PTPRD: variants seen among roughly 807,000 people sequenced by gnomAD.
The protein encoded by PTPRD is receptor-type tyrosine-protein phosphatase delta.
PTPRD carries 34 observed loss-of-function variants against 214.5 expected under a neutral mutation model. The ratio of observed to expected loss-of-function variants is 0.16; its 90% confidence interval spans 0.12 to 0.21. PTPRD has a LOEUF of 0.21. Among genes scored for constraint, PTPRD ranks in the 10% least tolerant of loss-of-function variants. PTPRD has a pLI of 1.00. For missense variants in PTPRD, 2,545 were observed against 2,398.7 expected (o/e 1.06, Z -1.27); for synonymous variants, 1,128 against 845.7 (o/e 1.33, Z -5.79).
intron 4 of PTPRD, among the ~76,000 whole-genome samples, chr9:9,940,772 AG>A (rs1423743881): frequency 2.0e-5 from 3 of 152,134 alleles, no homozygotes; most frequent in African/African-American, 7.2e-5. Context: ...CACTTTCGTA[AG>A]GGTTGTTCCC....
At chr9:8,650,100 T>C (rs2096776037) in intron 12 of PTPRD, among the ~76,000 whole-genome samples, 1 of 152,120 alleles carries the variant, frequency 6.6e-6, no homozygotes, top group African/African-American at 2.4e-5. Flanking sequence ...AAATGTTTTG[T>C]AGAGATGGGG....
chr9:9,715,096 G>A (rs998564116), intron 7 of PTPRD, among the ~76,000 whole-genome samples: 4 of 152,090 alleles, frequency 2.6e-5, no homozygotes, highest in South Asian at 2.1e-4. Context: ...CTGGATCCTC[G>A]TCCAAATAAC....
intron 14 of PTPRD, among the ~76,000 whole-genome samples, chr9:8,629,978 C>T (rs1380172846): frequency 6.6e-6 from 1 of 151,808 alleles, no homozygotes; most frequent in Non-Finnish European, 1.5e-5. Flanking sequence ...CTTCGAGGCA[C>T]ATGGGTGGTC....
chr9:9,275,200 T>A (rs1215505556), intron 9 of PTPRD, among the ~76,000 whole-genome samples: 7 of 4,822 alleles, frequency 1.5e-3, no homozygotes, highest in Non-Finnish European at 2.5e-3. Flanking sequence ...ATATATATAT[T>A]ATATATATAT....
intron 8 of PTPRD, among the ~76,000 whole-genome samples, chr9:9,514,710 C>T (rs188653539): frequency 3.3e-5 from 5 of 152,178 alleles, no homozygotes; most frequent in African/African-American, 1.2e-4. Context: ...GAAGGTCCTC[C>T]TCAGTGCCTT....
rs144696087 is a variant in PTPRD, at chr9:9,155,651, T to C, written c.-143+27653A>G. Among the ~76,000 whole-genome samples, 1,373 of 152,230 alleles carry C rather than the reference T, an allele frequency of 9.0e-3. 15 individuals carry two copies. Among genetic ancestry groups the C allele is most frequent in the Non-Finnish European group, 0.012 (822 of 68,012 alleles). ...CTACATTCATCCTTGGAAGAAATCT[T>C]TTTTTGTTTGCTTGTTTCACATAAA... On this transcript the variant is annotated intron_variant, in intron 10 of 45. Coordinates refer to ENST00000381196, the MANE Select transcript of PTPRD (RefSeq NM_002839.4).
At chr9:10,362,524 A>G (rs1015918271) in intron 2 of PTPRD, among the ~76,000 whole-genome samples, 4 of 151,920 alleles carry the variant, frequency 2.6e-5, no homozygotes, top group Admixed American at 2.0e-4. Context: ...TGAAATTCTT[A>G]CTCTTACACA....
intron 12 of PTPRD, among the ~76,000 whole-genome samples, chr9:8,697,621 C>G (rs2097950775): frequency 6.6e-6 from 1 of 151,298 alleles, no homozygotes; most frequent in Admixed American, 6.6e-5. Context: ...TGAGTTTTCA[C>G]CATGTTGGCC....
At chr9:10,345,380 T>C (rs1290106308) in intron 2 of PTPRD, among the ~76,000 whole-genome samples, 1 of 152,126 alleles carries the variant, frequency 6.6e-6, no homozygotes, top group Admixed American at 6.6e-5. Flanking sequence ...ACCTGTCATC[T>C]ACATTAGATA....
At chr9:9,510,755 G>T (rs1191049115) in intron 8 of PTPRD, among the ~76,000 whole-genome samples, 1 of 150,522 alleles carries the variant, frequency 6.6e-6, no homozygotes, top group African/African-American at 2.4e-5. Flanking sequence ...ATGCATCCTT[G>T]ATTTACCACC....
At chr9:9,169,281 G>A (rs773473753) in intron 10 of PTPRD, among the ~76,000 whole-genome samples, 4 of 152,016 alleles carry the variant, frequency 2.6e-5, no homozygotes, top group African/African-American at 2.4e-5. Context: ...CTACAAAAAT[G>A]TCTTGACTCC....
At chr9:9,913,513 G>A (rs563003596) in intron 5 of PTPRD, among the ~76,000 whole-genome samples, 1 of 152,148 alleles carries the variant, frequency 6.6e-6, no homozygotes, top group East Asian at 1.9e-4. Flanking sequence ...AGATTGGACT[G>A]GAGTGTCGAA....
chr9:9,345,475 C>G (rs1369187969), intron 9 of PTPRD, among the ~76,000 whole-genome samples: 1 of 151,904 alleles, frequency 6.6e-6, no homozygotes, highest in Non-Finnish European at 1.5e-5. Flanking sequence ...ATGATTTTGA[C>G]TTCCAAAATC....
chr9:9,404,147 T>C (rs570424052), intron 8 of PTPRD, among the ~76,000 whole-genome samples: 3 of 151,980 alleles, frequency 2.0e-5, no homozygotes, highest in Non-Finnish European at 4.4e-5. Flanking sequence ...GATTAAGGAG[T>C]GCAAGTAGGC....
At chr9:8,341,056 G>T (rs1208831280) in intron 41 of PTPRD, 34 bp downstream of exon 41, 1 of 1,533,994 alleles carries the variant, frequency 6.5e-7, no homozygotes, top group Non-Finnish European at 8.8e-7. Context: ...TAAATATCAA[G>T]GCTTTGGATA....
chr9:10,368,912 G>C (rs925070198), intron 2 of PTPRD, among the ~76,000 whole-genome samples: 1 of 152,106 alleles, frequency 6.6e-6, no homozygotes, highest in Admixed American at 6.6e-5. Context: ...GAAGTAGCCA[G>C]AGGATATGAT....
chr9:8,756,098 C>T (rs924909591), intron 11 of PTPRD, among the ~76,000 whole-genome samples: 6 of 152,096 alleles, frequency 3.9e-5, no homozygotes, highest in Admixed American at 2.6e-4. Context: ...AGAGGGAAGG[C>T]CCCTGGGGCC....
At chr9:9,646,849 G>T (rs1240659039) in intron 7 of PTPRD, among the ~76,000 whole-genome samples, 1 of 152,154 alleles carries the variant, frequency 6.6e-6, no homozygotes, top group South Asian at 2.1e-4. Context: ...AATTATAAAA[G>T]TATATTGTAG....
intron 3 of PTPRD, among the ~76,000 whole-genome samples, chr9:10,158,580 C>T (rs978203942): frequency 1.3e-5 from 2 of 152,114 alleles, no homozygotes; most frequent in East Asian, 3.9e-4. Flanking sequence ...TGGTTATTAC[C>T]ATCAACATCT....
Sources: allele counts gnomAD v4.1 joint callset (sites outside exome capture counted in the v4.1 genomes callset), GRCh38; gene constraint gnomAD v4.1.1; transcripts MANE v1.5; gene names NCBI Gene and HGNC (gene_info 2026-07-23, HGNC 2026-07-21).